Variants in CFAP47 observed in about 807,000 individuals in gnomAD.
CFAP47 encodes cilia and flagella associated protein 47, also known as cilia- and flagella-associated protein 47.
A neutral mutation model predicts 148.1 loss-of-function variants in CFAP47; 29 were observed. The ratio of observed to expected loss-of-function variants is 0.20; its 90% CI spans 0.15 to 0.27. The LOEUF (loss-of-function observed/expected upper bound fraction) is 0.27, where lower values mean the gene tolerates loss of function less well. Among genes scored for constraint, CFAP47 ranks in the 10% least tolerant of loss-of-function variants. CFAP47 has a pLI of 1.00. For missense variants in CFAP47, 1,872 were observed against 1,697.5 expected, an observed-to-expected ratio of 1.10 and a Z score of -1.81; for synonymous variants, 664 against 577.3, an observed-to-expected ratio of 1.15 and a Z score of -2.15.
intron 39 of CFAP47, among the ~76,000 whole-genome samples, chrX:36,178,474 G>GT (rs1491273047): frequency 7.2e-5 from 8 of 111,714 alleles, no homozygotes; most frequent in African/African-American, 2.6e-4. Context: ...GTGTGTTTGT[G>GT]GGTGTGTGTG....
At chrX:36,047,748 G>T (rs1182852364) in intron 26 of CFAP47, among the ~76,000 whole-genome samples, 1 of 111,889 alleles carries the variant, frequency 8.9e-6, no homozygotes, top group Non-Finnish European at 1.9e-5. Flanking sequence ...GGCGTCATTT[G>T]TATATTTGTA....
intron 2 of CFAP47, among the ~76,000 whole-genome samples, chrX:35,932,609 T>C (rs1935848076): frequency 9.1e-6 from 1 of 109,363 alleles, no homozygotes; most frequent in Non-Finnish European, 1.9e-5. Flanking sequence ...TTTCCTGACT[T>C]TCTGAAGAAC....
intron 62 of CFAP47, among the ~76,000 whole-genome samples, chrX:36,371,418 A>C (rs1941931979): frequency 9.2e-6 from 1 of 108,839 alleles, no homozygotes; most frequent in African/African-American, 3.3e-5. Context: ...CATGCTACAT[A>C]GAAATTATCT....
intron 3 of CFAP47, among the ~76,000 whole-genome samples, chrX:35,943,922 G>A (rs1442924454): frequency 9.0e-6 from 1 of 110,937 alleles, no homozygotes. Context: ...GGAGAATGTT[G>A]AGTAGACTTT....
At chrX:36,277,518 A>C in intron 49 of CFAP47, among the ~76,000 whole-genome samples, 1 of 112,335 alleles carries the variant, frequency 8.9e-6, no homozygotes, top group East Asian at 2.8e-4. Context: ...TCTAAGGCCT[A>C]GAATTTAAAA....
rs781954178 is a variant in CFAP47 at position 36,306,157 on chromosome X, G to C, written c.8083-615G>C. On this transcript the variant is annotated intron_variant, in intron 54 of 63. Transcript: ENST00000378653. The stretch of plus-strand genomic sequence containing the variant: ...ATCTTCAAATTAAATTATTTCCAGT[G>C]TAGCATTTTGATTACATAATATACT... Among the ~76,000 whole-genome samples the C allele has an allele frequency of 4.5e-5, 5 of 111,552 alleles. No individual in the cohort carries two copies. In the South Asian group the frequency reaches 1.5e-3, roughly 33 times the overall value.
chrX:36,036,203 C>T (rs1280699517), intron 24 of CFAP47, among the ~76,000 whole-genome samples: 3 of 110,912 alleles, frequency 2.7e-5, no homozygotes, highest in Non-Finnish European at 5.7e-5. Flanking sequence ...ATCAACGTCT[C>T]CCCATTTCCC....
At chrX:36,368,905 G>T (rs1446518056) in intron 62 of CFAP47, among the ~76,000 whole-genome samples, 1 of 111,216 alleles carries the variant, frequency 9.0e-6, no homozygotes, top group Non-Finnish European at 1.9e-5. Context: ...AATATTGGGA[G>T]AGTAACTGTT....
In CFAP47 at chrX:35,975,122, C is replaced by G. The variant is rs141755640; in HGVS notation, c.2255-25C>G. Reference sequence around the variant, plus strand: ...AGTCATTTGCCATCTTTAAACTTAACAAAATACTTTTCATTTTTTTTCAGG... The same window carrying G: ...AGTCATTTGCCATCTTTAAACTTAAGAAAATACTTTTCATTTTTTTTCAGG... On this transcript the variant is annotated intron_variant, in intron 13 of 63. Coordinates refer to ENST00000378653, the MANE Select transcript of CFAP47 (RefSeq NM_001304548.2). 962 of 985,310 alleles carry G rather than the reference C, an allele frequency of 9.8e-4. 5 individuals are homozygous for G. The African/African-American group carries it at 0.017, about 17-fold the overall frequency. 81.2% of individuals were successfully genotyped at this position (985,310 alleles called of 1,213,427 possible). A position where few individuals can be genotyped will look rare whatever the true frequency, so the allele number is the denominator to read the frequency against.
At chrX:36,072,669 T>G (rs1221430272) in intron 28 of CFAP47, among the ~76,000 whole-genome samples, 1 of 112,061 alleles carries the variant, frequency 8.9e-6, no homozygotes, top group Non-Finnish European at 1.9e-5. Context: ...TCATTTTATA[T>G]TCTTGAAAAT....
At chrX:36,354,843 T>C (rs1013053413) in intron 60 of CFAP47, among the ~76,000 whole-genome samples, 3 of 110,679 alleles carry the variant, frequency 2.7e-5, no homozygotes, top group African/African-American at 9.9e-5. Context: ...TTCATGGATA[T>C]AACACCAAAA....
At chrX:36,023,542 G>T (rs1358713751) in intron 22 of CFAP47, among the ~76,000 whole-genome samples, 1 of 111,935 alleles carries the variant, frequency 8.9e-6, no homozygotes, top group Non-Finnish European at 1.9e-5. Context: ...TTTCCTTCAG[G>T]ACAGCAAATT....
intron 1 of CFAP47, among the ~76,000 whole-genome samples, chrX:35,923,893 GTGTATATA>G (rs1935625647): frequency 1.4e-5 from 1 of 71,221 alleles, no homozygotes; most frequent in African/African-American, 9.8e-5. Context: ...ACATATATAT[GTGTATATA>G]TGTACATGTG....
chrX:36,094,999 T>G (rs996712404), intron 30 of CFAP47, among the ~76,000 whole-genome samples: 2 of 111,465 alleles, frequency 1.8e-5, no homozygotes, highest in African/African-American at 6.5e-5. Flanking sequence ...AGTATGATAC[T>G]AGCTGTGGGT....
chrX:35,968,949 A>G (rs1198349780), intron 10 of CFAP47, among the ~76,000 whole-genome samples: 2 of 109,679 alleles, frequency 1.8e-5, no homozygotes, highest in African/African-American at 6.7e-5. Context: ...ACTCTTTCTT[A>G]AGGTTATACA....
intron 33 of CFAP47, among the ~76,000 whole-genome samples, chrX:36,127,586 T>C (rs1938865507): frequency 9.0e-6 from 1 of 111,652 alleles, no homozygotes; most frequent in South Asian, 3.7e-4. Context: ...GTCTCTTTTT[T>C]GGTTCCATAT....
In CFAP47 at chrX:36,228,820, C is replaced by T. The variant is rs1555991907; in HGVS notation, c.7010C>T (p.Pro2337Leu). 1 of 520,852 alleles carries T rather than the reference C, an allele frequency of 1.9e-6. No homozygotes were observed. Among genetic ancestry groups the T allele is most frequent in the Non-Finnish European group, 3.5e-6 (1 of 284,569 alleles). The allele number at this position is 520,852 out of a possible 1,213,427, so 42.9% of individuals were successfully genotyped here. A position where few individuals can be genotyped will look rare whatever the true frequency, so the allele number is the denominator to read the frequency against. Residue 2337 changes from proline (P) to leucine (L), a missense_variant, in exon 46 of 64, where the codon CCA (proline) becomes CTA (leucine). Physicochemically the swap from Pro to Leu is moderately conservative, Grantham distance 98. Transcript: ENST00000378653. ...TTTGAAGCCCTTACTCAGAATATTC[C>T]AATAGTATGTATAAACTTTTTTGGT... ...PAFEALTQNI[P>L]IKNQTNDKWT...
At chrX:36,081,719 G>A (rs73470926) in intron 29 of CFAP47, among the ~76,000 whole-genome samples, 2,895 of 111,483 alleles carry the variant, frequency 0.026, 92 homozygotes, top group African/African-American at 0.09. Context: ...TTCACCGCAT[G>A]TAAGGAATTA....
chrX:36,179,497 A>C, intron 40 of CFAP47, 75 bp downstream of exon 40: 1 of 285,562 alleles, frequency 3.5e-6, no homozygotes. Context: ...GAAACTAGTT[A>C]TATAATTACA....
Sources: allele counts gnomAD v4.1 joint callset (sites outside exome capture counted in the v4.1 genomes callset), GRCh38; gene constraint gnomAD v4.1.1; transcripts MANE v1.5; gene names NCBI Gene and HGNC (gene_info 2026-07-23, HGNC 2026-07-21).